Variants in BRAP observed in about 807,000 individuals in gnomAD.
BRAP encodes the protein BRCA1 associated protein, also known as BRCA1-associated protein.
BRAP carries 42 observed loss-of-function variants against 73.4 expected under a neutral mutation model. The observed-to-expected ratio is 0.57, with a 90% CI of 0.45 to 0.74. The LOEUF (loss-of-function observed/expected upper bound fraction) is 0.74, where lower values mean the gene tolerates loss of function less well. Among genes scored for constraint, BRAP ranks in the 30% least tolerant of loss-of-function variants. The probability of loss-of-function intolerance (pLI) is 0.00; values close to 1 mark genes in which losing one functional copy is unlikely to be tolerated. For missense variants in BRAP, 593 were observed against 751.4 expected (o/e 0.79, Z 2.46); for synonymous variants, 255 against 267.4 (o/e 0.95, Z 0.45).
intron 6 of BRAP, among the ~76,000 whole-genome samples, chr12:111,663,678 CAT>C (rs1465309872): frequency 1.3e-5 from 2 of 152,106 alleles, no homozygotes; most frequent in Admixed American, 6.5e-5. Flanking sequence ...CCCTGAACCA[CAT>C]GTGTTTATGT....
chr12:111,657,502 T>C (rs1886578568), intron 9 of BRAP, among the ~76,000 whole-genome samples: 1 of 152,222 alleles, frequency 6.6e-6, no homozygotes, highest in East Asian at 1.9e-4. Flanking sequence ...TTTAAGAGTC[T>C]TGAAATGAGC....
intron 11 of BRAP, among the ~76,000 whole-genome samples, chr12:111,648,985 G>T (rs1264259562): frequency 1.3e-5 from 2 of 151,934 alleles, no homozygotes; most frequent in African/African-American, 4.8e-5. Context: ...TGGGTGACAG[G>T]GAAAGACCCT....
At chr12:111,682,831 C>G (rs145041060) in intron 2 of BRAP, among the ~76,000 whole-genome samples, 1 of 152,012 alleles carries the variant, frequency 6.6e-6, no homozygotes, top group Admixed American at 6.5e-5. Flanking sequence ...AAGACTGCTT[C>G]AGCCCAGGAG....
chr12:111,654,853 G>A (rs186097118), intron 10 of BRAP, among the ~76,000 whole-genome samples: 2 of 152,152 alleles, frequency 1.3e-5, no homozygotes, highest in Admixed American at 1.3e-4. Flanking sequence ...TCATACTAAG[G>A]GAATCACTGA....
rs938160798 is a variant in BRAP, at chr12:111,679,202, G to C, written c.582C>G (p.Ile194Met). Residue 194 changes from isoleucine (I) to methionine (M), a missense_variant, in exon 4 of 12, where the codon ATC (isoleucine) becomes ATG (methionine). By Grantham distance (10) the Ile-to-Met change is conservative (BLOSUM62 1). Transcript: ENST00000419234. Reference protein sequence around the residue: ...FNEVIEQMKIIRDSTPNQYMV... With the variant: ...FNEVIEQMKIMRDSTPNQYMV... ...TATATTGGTTGGGAGTAGAGTCTCT[G>C]ATAATTTTCATTTGTTCAATTACTT... 1.2e-6 allele frequency: 2 copies of C among 1,607,846 alleles called. No individual in the cohort carries two copies. Among genetic ancestry groups the C allele is most frequent in the African/African-American group, 1.3e-5 (1 of 74,772 alleles).
chr12:111,656,518 A>G (rs1447716131), intron 9 of BRAP, among the ~76,000 whole-genome samples: 1 of 152,150 alleles, frequency 6.6e-6, no homozygotes, highest in Non-Finnish European at 1.5e-5. Context: ...GCAATGGGGA[A>G]CCCAAGGCCA....
Position 111,672,644 on chromosome 12 carries a change from G to C in BRAP, c.747+17C>G. On this transcript the variant is annotated intron_variant, in intron 5 of 11. Coordinates refer to ENST00000419234, the MANE Select transcript of BRAP (RefSeq NM_006768.5). The stretch of plus-strand genomic sequence containing the variant: ...TCTGATATATTTTAATTAAATATAG[G>C]AACAATTCACACTTACATCTTCAGA... 1 of 1,591,406 alleles carries C rather than the reference G, an allele frequency of 6.3e-7. No homozygotes were observed. The highest frequency in any genetic ancestry group is 8.6e-7 in the Non-Finnish European group (1 of 1,162,558).
At chr12:111,648,568 C>T (rs1271742910) in intron 11 of BRAP, among the ~76,000 whole-genome samples, 2 of 144,394 alleles carry the variant, frequency 1.4e-5, no homozygotes, top group African/African-American at 5.2e-5. Context: ...ACTGAGATCG[C>T]TCCACTGTAC....
chr12:111,664,219 C>A (rs1886851833), intron 6 of BRAP, among the ~76,000 whole-genome samples: 1 of 152,128 alleles, frequency 6.6e-6, no homozygotes, highest in Non-Finnish European at 1.5e-5. Context: ...GTAGTCCCAG[C>A]TACTTGGGAA....
intron 10 of BRAP, among the ~76,000 whole-genome samples, 182 bp downstream of exon 10, chr12:111,655,383 CA>C (rs1886489660): frequency 6.7e-6 from 1 of 149,018 alleles, no homozygotes; most frequent in South Asian, 2.1e-4. Context: ...CCCAAAATAT[CA>C]AAACAGTCAA....
At chr12:111,685,534 A>C (rs1331616963) in intron 1 of BRAP, 177 bp downstream of exon 1, 7 of 1,320,302 alleles carry the variant, frequency 5.3e-6, no homozygotes, top group Non-Finnish European at 5.9e-6. Flanking sequence ...TCCCTGAGAT[A>C]ACAAACGGGA....
chr12:111,683,272 T>C lies in BRAP; in HGVS notation c.118A>G (p.Thr40Ala). The C allele has an allele frequency of 6.2e-7, 1 of 1,613,036 alleles. No individual in the cohort carries two copies. The stretch of plus-strand genomic sequence containing the variant: ...AAACAGGCTACAGCTGAGGCTAGTG[T>C]CGTCTTTTTTATCTCCTCATCAGAC... ...EMSDEEIKKT[T>A]LASAVACLEG... is the part of the protein sequence containing the mutation. The change falls in exon 2 of 12, where the codon ACA (threonine) becomes GCA (alanine). Residue 40 changes from threonine to alanine, a missense_variant. By Grantham distance (58) the Thr-to-Ala change is moderately conservative (BLOSUM62 0). Transcript: ENST00000419234.
In BRAP at chr12:111,651,225, T is replaced by TTAATAATAATAATAA. The variant is rs112724065; in HGVS notation, c.1312-1198_1312-1184dup. 4.5e-4 allele frequency among the ~76,000 whole-genome samples: 66 copies of TTAATAATAATAATAA among 147,066 alleles called. No homozygotes were observed. In the East Asian group the frequency reaches 7.5e-3, roughly 17 times the overall value. On this transcript the variant is annotated intron_variant, in intron 10 of 11. Transcript: ENST00000419234. ...TAGCAAGTCTCTAATAGCACTAGCTTTAATAATAATAATAATAATAATAAT... is the reference window on the plus strand; with the variant it reads ...TAGCAAGTCTCTAATAGCACTAGCTTTAATAATAATAATAATAATAATAATAATAATAATAATAAT...
At chr12:111,654,985 A>C (rs1184922097) in intron 10 of BRAP, among the ~76,000 whole-genome samples, 2 of 152,152 alleles carry the variant, frequency 1.3e-5, no homozygotes, top group Non-Finnish European at 2.9e-5. Flanking sequence ...TTCCTTGCAC[A>C]TACTGGAGAC....
At chr12:111,679,473 T>G in intron 3 of BRAP, 133 bp from the exon 4 acceptor site, 1 of 542,478 alleles carries the variant, frequency 1.8e-6, no homozygotes, top group Non-Finnish European at 2.9e-6. Context: ...CTGTTCTATA[T>G]TATACCCCCC....
chr12:111,681,588 A>G (rs1479122525), intron 3 of BRAP, 49 bp downstream of exon 3: 1 of 1,462,452 alleles, frequency 6.8e-7, no homozygotes, highest in East Asian at 2.3e-5. Context: ...CAAAGCAAAA[A>G]AAAAAAAAAA....
intron 4 of BRAP, 57 bp from the exon 5 acceptor site, chr12:111,672,831 CT>C (rs1252196473): frequency 2.9e-6 from 4 of 1,373,658 alleles, no homozygotes; most frequent in Non-Finnish European, 4.1e-6. Context: ...TGAAAATCTG[CT>C]TTATATTCAA....
At chr12:111,663,679 A>T (rs1056607063) in intron 6 of BRAP, among the ~76,000 whole-genome samples, 36 of 152,016 alleles carry the variant, frequency 2.4e-4, no homozygotes, top group Non-Finnish European at 7.4e-5. Context: ...CCTGAACCAC[A>T]TGTGTTTATG....
rs1887606742 is a variant in BRAP, at chr12:111,681,692, T to C, written c.388A>G (p.Ser130Gly). 2 of 1,614,024 alleles carry C rather than the reference T, an allele frequency of 1.2e-6. No homozygotes were observed. Among genetic ancestry groups the C allele is most frequent in the Non-Finnish European group, 1.7e-6 (2 of 1,179,960 alleles). ...ACTATTTCAACTGATGGATTTCCAC[T>C]GAAGAATGAAATCTGGTCTGGAAGC... ...KQLPDQISFF[S>G]GNPSVEIVHG... Residue 130 changes from serine to glycine, a missense_variant, in exon 3 of 12, where the codon AGT becomes GGT. Coordinates refer to ENST00000419234, the MANE Select transcript of BRAP (RefSeq NM_006768.5).
Sources: allele counts gnomAD v4.1 joint callset (sites outside exome capture counted in the v4.1 genomes callset), GRCh38; gene constraint gnomAD v4.1.1; transcripts MANE v1.5; gene names NCBI Gene and HGNC (gene_info 2026-07-23, HGNC 2026-07-21).